AHDC1: variants seen among roughly 807,000 people sequenced by gnomAD.
AHDC1 encodes transcription factor Gibbin.
AHDC1 carries 7 observed loss-of-function variants against 87.9 expected under a neutral mutation model. The observed-to-expected ratio is 0.08, with a 90% CI of 0.05 to 0.15. AHDC1 has a LOEUF of 0.15. Ranked by LOEUF, AHDC1 falls within the 10% of genes least tolerant of loss-of-function variation. AHDC1 has a pLI of 1.00. For synonymous variants in AHDC1, 1,051 were observed against 1,006.8 expected, an observed-to-expected ratio of 1.04 and a Z score of -0.83; for missense variants, 1,841 against 2,253.2, an observed-to-expected ratio of 0.82 and a Z score of 3.70.
chr1:27,552,400 C>CT (rs750916427), intron 7 of AHDC1: 22,893 of 270,292 alleles, frequency 0.085, 7 homozygotes, highest in Middle Eastern at 0.12. Context: ...CCCAGTTTCA[C>CT]TTTTTTTTTT....
At chr1:27,573,576 T>C (rs1188946652) in intron 3 of AHDC1, among the ~76,000 whole-genome samples, 2 of 152,092 alleles carry the variant, frequency 1.3e-5, no homozygotes, top group Non-Finnish European at 2.9e-5. Flanking sequence ...GCCACATAAA[T>C]TTGGTGGGAT....
chr1:27,542,160 G>C (rs1044197552), intron 8 of AHDC1, among the ~76,000 whole-genome samples: 1 of 152,212 alleles, frequency 6.6e-6, no homozygotes, highest in Non-Finnish European at 1.5e-5. Flanking sequence ...ACTGCCAGGG[G>C]AAAAATCATG....
Position 27,549,195 on chromosome 1 carries a change from T to A in AHDC1, c.2921A>T (p.Tyr974Phe), listed in dbSNP as rs1255654878. 2.5e-6 allele frequency: 4 copies of A among 1,594,220 alleles called. No homozygotes were observed. The highest frequency in any genetic ancestry group is 1.3e-5 in the African/African-American group (1 of 74,794). ...ANTYLPQYGG[Y>F]GAGQSVFAPT... The stretch of plus-strand genomic sequence containing the variant: ...GGCGAATACGCTTTGTCCGGCCCCA[T>A]AGCCGCCGTACTGGGGCAGGTAGGT... Residue 974 changes from tyrosine (Y) to phenylalanine (F), a missense_variant, in exon 8 of 9, where the codon TAT becomes TTT. Physicochemically the swap from Tyr to Phe is conservative, Grantham distance 22. Transcript: ENST00000673934.
chr1:27,594,694 A>C (rs1005167514), intron 3 of AHDC1, among the ~76,000 whole-genome samples: 1 of 152,124 alleles, frequency 6.6e-6, no homozygotes, highest in Non-Finnish European at 1.5e-5. Flanking sequence ...AGAGAGAGAG[A>C]GAGCGAGAGC....
chr1:27,569,335 G>C (rs2020468473), intron 3 of AHDC1, among the ~76,000 whole-genome samples: 1 of 152,154 alleles, frequency 6.6e-6, no homozygotes, highest in Non-Finnish European at 1.5e-5. Context: ...TACATGGTGA[G>C]TACTATTAGT....
rs189409601 is a variant in AHDC1, at chr1:27,584,236, T to C, written c.-629+19161A>G. On this transcript the variant is annotated intron_variant, in intron 3 of 8. Coordinates refer to ENST00000673934, the MANE Select transcript of AHDC1 (RefSeq NM_001371928.1). ...CTCACTGCCCATTCCATCCTCACCA[T>C]TCCCATCCTTATCTGCTCTGATGCC... Among the ~76,000 whole-genome samples, 25 of 152,284 alleles carry C rather than the reference T, an allele frequency of 1.6e-4. No homozygotes were observed. In the East Asian group the frequency reaches 2.1e-3, roughly 13 times the overall value.
At chr1:27,575,674 C>T (rs2088704595) in intron 3 of AHDC1, among the ~76,000 whole-genome samples, 1 of 151,608 alleles carries the variant, frequency 6.6e-6, no homozygotes, top group South Asian at 2.1e-4. Flanking sequence ...GCGCGGCCCG[C>T]CCTCGGCCCC....
intron 3 of AHDC1, among the ~76,000 whole-genome samples, chr1:27,571,841 G>A (rs1356762203): frequency 6.6e-6 from 1 of 152,158 alleles, no homozygotes; most frequent in Non-Finnish European, 1.5e-5. Flanking sequence ...GTCGCTAATG[G>A]CAGACACACA....
intron 3 of AHDC1, among the ~76,000 whole-genome samples, chr1:27,568,588 G>C (rs957328464): frequency 6.6e-6 from 1 of 152,096 alleles, no homozygotes; most frequent in African/African-American, 2.4e-5. Flanking sequence ...GTGCCCGCGA[G>C]GGGGCGGGCC....
chr1:27,588,006 CT>C (rs1021492113), intron 3 of AHDC1, among the ~76,000 whole-genome samples: 12 of 152,202 alleles, frequency 7.9e-5, no homozygotes, highest in African/African-American at 2.7e-4. Context: ...TCTCCCTCCC[CT>C]GGTCCTGCCA....
intron 8 of AHDC1, among the ~76,000 whole-genome samples, chr1:27,538,400 C>CAGAAAAAAAAAAAAAAAAA (rs2018744315): frequency 1.6e-5 from 1 of 60,704 alleles, no homozygotes; most frequent in Admixed American, 1.9e-4. Flanking sequence ...AAGACTGTCT[C>CAGAAAAAAAAAAAAAAAAA]AAAAAAAAAA....
rs10623052 is a variant in AHDC1 at position 27,560,200 on chromosome 1, T to TTGTG, written c.-628-1321_-628-1318dup. On this transcript the variant is annotated intron_variant, in intron 3 of 8. Coordinates refer to ENST00000673934, the MANE Select transcript of AHDC1 (RefSeq NM_001371928.1). The surrounding 1 kb of genome is among the most constrained non-coding windows in gnomAD (Gnocchi z 4.1). ...CTTTTCACGTTTATTTCTATTCGTT[T>TTGTG]TGTGTGTGTGTGTGTGTGTGTGTGA... Among the ~76,000 whole-genome samples, 14,890 of 148,434 alleles carry TTGTG rather than the reference T, an allele frequency of 0.1. 913 individuals carry two copies. Among genetic ancestry groups the TTGTG allele is most frequent in the Middle Eastern group, 0.16 (45 of 286 alleles).
intron 3 of AHDC1, among the ~76,000 whole-genome samples, chr1:27,571,656 G>A (rs1431327187): frequency 6.6e-6 from 1 of 152,092 alleles, no homozygotes; most frequent in Non-Finnish European, 1.5e-5. Flanking sequence ...GCTCCCACTG[G>A]ACCGGGAACA....
chr1:27,571,023 CA>C (rs2020542583), intron 3 of AHDC1, among the ~76,000 whole-genome samples: 2 of 152,252 alleles, frequency 1.3e-5, no homozygotes, highest in Middle Eastern at 3.4e-3. Context: ...CATACCAACG[CA>C]AGGGGTGGGA....
intron 3 of AHDC1, among the ~76,000 whole-genome samples, chr1:27,597,378 A>T (rs1052233398): frequency 2.7e-4 from 40 of 148,222 alleles, no homozygotes; most frequent in South Asian, 6.4e-4. Context: ...TGTGTGTGTG[A>T]GAGAGAGAGA....
At chr1:27,542,919 A>G (rs1268837903) in intron 8 of AHDC1, among the ~76,000 whole-genome samples, 1 of 152,188 alleles carries the variant, frequency 6.6e-6, no homozygotes, top group Non-Finnish European at 1.5e-5. Flanking sequence ...TGTGGGGAAG[A>G]ACTTGTGCCC....
chr1:27,582,730 A>C, intron 3 of AHDC1, among the ~76,000 whole-genome samples: 1 of 152,230 alleles, frequency 6.6e-6, no homozygotes, highest in East Asian at 1.9e-4. Flanking sequence ...CACTGTGCTA[A>C]GCACTCCTCA....
intron 3 of AHDC1, among the ~76,000 whole-genome samples, chr1:27,567,814 T>A (rs552495386): frequency 2.0e-4 from 31 of 152,214 alleles, no homozygotes; most frequent in Non-Finnish European, 4.0e-4. Context: ...TCACAGAAGT[T>A]GGGGTTCTCG....
rs2019595544 is a variant in AHDC1, at chr1:27,551,954, G to A, written c.162C>T (p.Thr54=). Residue 54 remains threonine (T), a synonymous_variant, in exon 8 of 9, where the codon ACC becomes ACT. Transcript: ENST00000673934. ...PASPPDKAFS[T]HAFSENPRPP... is the part of the protein sequence containing the mutation. ...GGCGTGGGTTCTCGGAGAAGGCGTG[G>A]GTGGAGAAGGCCTTGTCAGGTGGGC... The A allele has an allele frequency of 6.5e-7, 1 of 1,542,802 alleles. No homozygotes were observed. Among genetic ancestry groups the A allele is most frequent in the African/African-American group, 1.4e-5 (1 of 72,314 alleles).
Sources: allele counts gnomAD v4.1 joint callset (sites outside exome capture counted in the v4.1 genomes callset), GRCh38; gene constraint gnomAD v4.1.1; non-coding constraint Gnocchi (gnomAD v3.1); transcripts MANE v1.5; gene names NCBI Gene and HGNC (gene_info 2026-07-23, HGNC 2026-07-21).